The following SUMF1 variants were observed in gnomAD, a reference collection of about 807,000 sequenced individuals.
SUMF1 encodes sulfatase modifying factor 1.
In SUMF1, 48 loss-of-function variants were observed where a neutral mutation model predicts 47.6. The ratio of observed to expected loss-of-function variants is 1.01; its 90% CI spans 0.80 to 1.28. The LOEUF (loss-of-function observed/expected upper bound fraction) is 1.28, where lower values mean the gene tolerates loss of function less well. Ranked by LOEUF, SUMF1 falls within the 50% of genes most tolerant of loss-of-function variation. SUMF1 has a pLI of 0.00. For synonymous variants in SUMF1, 230 were observed against 192.1 expected, an observed-to-expected ratio of 1.20 and a Z score of -1.63; for missense variants, 571 against 485.4, an observed-to-expected ratio of 1.18 and a Z score of -1.66.
chr3:4,065,720 AT>A (rs1695360010), intron 9 of SUMF1, among the ~76,000 whole-genome samples: 1 of 152,106 alleles, frequency 6.6e-6, no homozygotes, highest in Non-Finnish European at 1.5e-5. Flanking sequence ...ATTTGCATTC[AT>A]TATCTCCAAT....
At chr3:4,422,387 A>G (rs2125048851) in intron 3 of SUMF1, among the ~76,000 whole-genome samples, 1 of 152,284 alleles carries the variant, frequency 6.6e-6, no homozygotes, top group South Asian at 2.1e-4. Context: ...AAATAAAAAT[A>G]AAAAAGCTTA....
rs114810329 is a variant in SUMF1, at chr3:4,241,430, C to G, written c.1014+134900G>C. Among the ~76,000 whole-genome samples the G allele has an allele frequency of 9.5e-3, 1,441 of 152,110 alleles. 26 individuals carry two copies. The highest frequency in any genetic ancestry group is 0.033 in the African/African-American group (1,370 of 41,508). On this transcript the variant is annotated intron_variant and NMD_transcript_variant, in intron 8 of 12. Transcript: ENST00000448413. ...AAGTCTGAAGGCCCAAGTTTAAGTC[C>G]CAGCTCAACTGGTTATTTATGGCAT...
chr3:4,338,686 CAG>C (rs972958600), intron 8 of SUMF1, among the ~76,000 whole-genome samples: 2 of 152,004 alleles, frequency 1.3e-5, no homozygotes, highest in African/African-American at 4.8e-5. Flanking sequence ...ATTTGAATGA[CAG>C]AGTCTATGTA....
intron 3 of SUMF1, among the ~76,000 whole-genome samples, chr3:4,446,858 C>A (rs75021001): frequency 0.018 from 2,812 of 152,214 alleles, 92 homozygotes; most frequent in African/African-American, 0.065. Flanking sequence ...GGGGAAGCAA[C>A]ACAATGAAAG....
At chr3:4,245,281 A>T (rs1213477585) in intron 8 of SUMF1, among the ~76,000 whole-genome samples, 1 of 152,112 alleles carries the variant, frequency 6.6e-6, no homozygotes, top group African/African-American at 2.4e-5. Context: ...TTCCCTTGCT[A>T]GCGAGGAGTT....
chr3:4,214,332 G>A (rs1352278323), intron 8 of SUMF1, among the ~76,000 whole-genome samples: 3 of 151,984 alleles, frequency 2.0e-5, no homozygotes, highest in Admixed American at 6.6e-5. Context: ...CAAAATGAAG[G>A]CACAAATAGA....
intron 8 of SUMF1, among the ~76,000 whole-genome samples, chr3:4,161,502 C>A (rs189959122): frequency 5.9e-5 from 9 of 152,110 alleles, no homozygotes; most frequent in African/African-American, 1.4e-4. Flanking sequence ...TGAGTTGGCA[C>A]ACAAATCGTA....
intron 7 of SUMF1, among the ~76,000 whole-genome samples, chr3:4,404,884 G>A (rs1040670062): frequency 3.9e-5 from 6 of 152,212 alleles, no homozygotes; most frequent in African/African-American, 1.4e-4. Context: ...ATGAATGCTT[G>A]CTTGAAATGA....
chr3:4,226,231 A>G (rs895042478), intron 8 of SUMF1, among the ~76,000 whole-genome samples: 3 of 149,886 alleles, frequency 2.0e-5, no homozygotes, highest in Non-Finnish European at 4.4e-5. Flanking sequence ...GTTAGCTATT[A>G]CCACCATCAT....
At chr3:4,119,532 C>A (rs538971488) in intron 8 of SUMF1, among the ~76,000 whole-genome samples, 3 of 152,128 alleles carry the variant, frequency 2.0e-5, no homozygotes, top group African/African-American at 7.2e-5. Context: ...ACCTTGATTT[C>A]TTCAACTGGA....
In SUMF1 at chr3:4,147,352, A is replaced by G. The variant is rs190461253; in HGVS notation, c.1015-78607T>C. Among the ~76,000 whole-genome samples, 323 of 152,290 alleles carry G rather than the reference A, an allele frequency of 2.1e-3. 1 individual carries two copies. Among genetic ancestry groups the G allele is most frequent in the African/African-American group, 7.3e-3 (304 of 41,556 alleles). On this transcript the variant is annotated intron_variant and NMD_transcript_variant, in intron 8 of 12. Coordinates refer to the SUMF1 transcript ENST00000448413. ...AGGATTATAAAACATGCTGCTATAA[A>G]GACACATGCACACGTATGTTTATTG... is the stretch of plus-strand genomic sequence containing the variant.
At chr3:4,105,845 G>T (rs1220194172) in intron 8 of SUMF1, among the ~76,000 whole-genome samples, 1 of 151,836 alleles carries the variant, frequency 6.6e-6, no homozygotes, top group Non-Finnish European at 1.5e-5. Flanking sequence ...GTGTATCCTG[G>T]TCCAAGGACA....
intron 8 of SUMF1, among the ~76,000 whole-genome samples, chr3:4,138,855 G>C (rs1199506943): frequency 6.6e-6 from 1 of 151,990 alleles, no homozygotes; most frequent in East Asian, 1.9e-4. Context: ...ATGGTCATGG[G>C]AACCCTCAAA....
chr3:4,256,001 G>A (rs1696943681), intron 8 of SUMF1, among the ~76,000 whole-genome samples: 2 of 149,552 alleles, frequency 1.3e-5, no homozygotes, highest in South Asian at 4.3e-4. Context: ...TGAACAACCT[G>A]CTCCTGAATG....
rs1457931037 is a variant in SUMF1 at position 4,303,868 on chromosome 3, G to C, written c.1014+72462C>G. On this transcript the variant is annotated intron_variant and NMD_transcript_variant, in intron 8 of 12. Coordinates refer to the SUMF1 transcript ENST00000448413. ...TCCCTGGTCTCAGGTGTCTCTCACAGGTAGGATAAGCCGTGGGGCCTATTA... is the reference window on the plus strand; with the variant it reads ...TCCCTGGTCTCAGGTGTCTCTCACACGTAGGATAAGCCGTGGGGCCTATTA... 4.6e-6 allele frequency: 6 copies of C among 1,301,708 alleles called. No homozygotes were observed. The African/African-American group carries it at 9.2e-5, about 20-fold the overall frequency. 80.6% of individuals were successfully genotyped at this position (1,301,708 alleles called of 1,614,324 possible).
At chr3:4,332,189 C>T (rs148831094) in intron 8 of SUMF1, among the ~76,000 whole-genome samples, 24 of 152,290 alleles carry the variant, frequency 1.6e-4, no homozygotes, top group African/African-American at 5.1e-4. Context: ...ACACACAACA[C>T]GTATAAACAC....
At chr3:4,208,796 AAAAT>A (rs1695711641) in intron 8 of SUMF1, among the ~76,000 whole-genome samples, 1 of 152,142 alleles carries the variant, frequency 6.6e-6, no homozygotes, top group Non-Finnish European at 1.5e-5. Context: ...AGACTAACAT[AAAAT>A]CCAAGAACTG....
In SUMF1 at chr3:4,420,397, A is replaced by ATTTTT. The variant is rs35849841; in HGVS notation, c.520-256_520-252dup. On this transcript the variant is annotated intron_variant, in intron 3 of 8. Coordinates refer to ENST00000272902, the MANE Select transcript of SUMF1 (RefSeq NM_182760.4). ...ATTTAAATGGTGTATATCTATAAGA[A>ATTTTT]TTTTTTTTTTTTTTTTGAGATGGAG... is the stretch of plus-strand genomic sequence containing the variant. Among the ~76,000 whole-genome samples the ATTTTT allele has an allele frequency of 0.017, 2,338 of 140,808 alleles. 37 individuals are homozygous for ATTTTT. The highest frequency in any genetic ancestry group is 0.023 in the African/African-American group (868 of 38,092). The allele number at this position is 140,808 out of a possible 152,430, so 92.4% of individuals were successfully genotyped here.
intron 8 of SUMF1, among the ~76,000 whole-genome samples, chr3:4,339,834 T>A (rs1463076315): frequency 6.6e-6 from 1 of 152,084 alleles, no homozygotes; most frequent in East Asian, 1.9e-4. Flanking sequence ...CCTAACACTT[T>A]GGGAGGCCGA....
Sources: gnomAD v4.1 joint callset for allele counts (sites outside exome capture counted in the v4.1 genomes callset) on GRCh38, gnomAD v4.1.1 for gene constraint, MANE v1.5 for transcripts, NCBI Gene and HGNC (gene_info 2026-07-23, HGNC 2026-07-21) for gene names.